LCOR: variants seen among roughly 807,000 people sequenced by gnomAD.
LCOR encodes the protein ligand dependent nuclear receptor corepressor.
LCOR carries 14 observed loss-of-function variants against 64.4 expected under a neutral mutation model. That is an observed-to-expected ratio of 0.22 (90% confidence interval 0.14 to 0.34). The LOEUF (loss-of-function observed/expected upper bound fraction) is 0.34, where lower values mean the gene tolerates loss of function less well. Ranked by LOEUF, LCOR falls within the 10% of genes least tolerant of loss-of-function variation. The pLI is 1.00. For synonymous variants in LCOR, 643 were observed against 642.5 expected (o/e 1.00, Z -0.01); for missense variants, 1,686 against 1,765.3 (o/e 0.96, Z 0.80).
rs114728417 is a variant in LCOR, at chr10:96,973,934, A to T, written c.333-6859A>T. ...CACCTCCATGCCAAATCTCTTCTCC[A>T]CTTGATCTTTAACTCTAAGATAACA... On this transcript the variant is annotated intron_variant, in intron 7 of 7. Coordinates refer to ENST00000421806, the MANE Select transcript of LCOR (RefSeq NM_001346516.2). 2.8e-3 allele frequency among the ~76,000 whole-genome samples: 433 copies of T among 152,298 alleles called. 6 individuals carry two copies. The highest frequency in any genetic ancestry group is 9.4e-3 in the African/African-American group (389 of 41,564).
chr10:96,957,789 T>C, intron 7 of LCOR: 1 of 985,602 alleles, frequency 1.0e-6, no homozygotes, highest in African/African-American at 1.7e-5. Flanking sequence ...CACTGCTCAT[T>C]CTTGACATAG....
chr10:96,973,430 A>G (rs1848014612), intron 7 of LCOR, among the ~76,000 whole-genome samples: 2 of 152,208 alleles, frequency 1.3e-5, no homozygotes, highest in Admixed American at 1.3e-4. Flanking sequence ...GATGTGAAAT[A>G]GCCAAGAGTA....
At chr10:96,896,189 G>C (rs1846533754) in intron 2 of LCOR, among the ~76,000 whole-genome samples, 2 of 152,074 alleles carry the variant, frequency 1.3e-5, no homozygotes, top group South Asian at 4.2e-4. Context: ...GGATGTTACT[G>C]ACATTTCTGG....
chr10:96,837,937 G>A (rs1411789562), intron 2 of LCOR, among the ~76,000 whole-genome samples: 1 of 152,088 alleles, frequency 6.6e-6, no homozygotes, highest in Non-Finnish European at 1.5e-5. Context: ...TTGTGATATT[G>A]GATAGATGCA....
intron 5 of LCOR, among the ~76,000 whole-genome samples, chr10:96,945,924 CTTTT>C (rs34834224): frequency 7.2e-6 from 1 of 138,840 alleles, no homozygotes; most frequent in Admixed American, 7.2e-5. Context: ...TAAAGTTTTT[CTTTT>C]TTTTTTTTTA....
At chr10:96,936,997 A>G (rs1564631222) in intron 4 of LCOR, among the ~76,000 whole-genome samples, 1 of 152,230 alleles carries the variant, frequency 6.6e-6, no homozygotes, top group Non-Finnish European at 1.5e-5. Flanking sequence ...ATTGTACTAT[A>G]CCATGGGTAA....
chr10:96,944,387 A>G (rs1333892219), intron 5 of LCOR, 142 bp downstream of exon 5: 1 of 358,078 alleles, frequency 2.8e-6, no homozygotes, highest in Non-Finnish European at 3.9e-6. Context: ...ACCTTGGGTC[A>G]AGTTCAAATT....
chr10:96,989,695 A>ATATATATATATATATATATATTTTTT lies in LCOR; in HGVS notation c.*4562_*4563insATATATATATATATATATATTTTTTT, dbSNP rs1371771053. On this transcript the variant is annotated 3_prime_UTR_variant, in exon 8 of 8. Coordinates refer to ENST00000421806, the MANE Select transcript of LCOR (RefSeq NM_001346516.2). ...TAAGGATATATATATATATATATAT[A>ATATATATATATATATATATATTTTTT]TTTTTTTTTTTTTTTTTTTTTTTTA... The ATATATATATATATATATATATTTTTT allele has an allele frequency of 3.5e-5, 3 of 86,156 alleles. No homozygotes were observed. The highest frequency in any genetic ancestry group is 1.9e-4 in the African/African-American group (3 of 16,166). 5.3% of individuals were successfully genotyped at this position (86,156 alleles called of 1,614,324 possible).
At chr10:96,851,179 A>G (rs1430161560) in intron 2 of LCOR, among the ~76,000 whole-genome samples, 1 of 152,228 alleles carries the variant, frequency 6.6e-6, no homozygotes, top group Admixed American at 6.5e-5. Flanking sequence ...ACTGCAGGGA[A>G]GCTGGACTGG....
At chr10:96,931,668 C>T (rs971160959) in intron 4 of LCOR, among the ~76,000 whole-genome samples, 5 of 152,154 alleles carry the variant, frequency 3.3e-5, no homozygotes, top group African/African-American at 7.2e-5. Context: ...ACATAACAAC[C>T]TGAAGATAGA....
intron 2 of LCOR, among the ~76,000 whole-genome samples, chr10:96,846,663 T>C (rs1451855801): frequency 6.6e-6 from 1 of 152,264 alleles, no homozygotes; most frequent in African/African-American, 2.4e-5. Context: ...TTTGCGTATA[T>C]ATTTACTGTG....
At chr10:96,957,677 G>A (rs1441772426) in intron 7 of LCOR, 2 of 985,238 alleles carry the variant, frequency 2.0e-6, no homozygotes, top group African/African-American at 3.5e-5. Flanking sequence ...ATAAATTCTT[G>A]CCTGGAAACT....
At position 96,969,782 on chromosome 10, in the gene LCOR, T is replaced by C. The variant is rs563105554; in HGVS notation, c.333-11011T>C. 2.8e-5 allele frequency among the ~76,000 whole-genome samples: 4 copies of C among 143,486 alleles called. No homozygotes were observed. The South Asian group carries it at 7.0e-4, about 25-fold the overall frequency. The allele number at this position is 143,486 out of a possible 152,430, so 94.1% of individuals were successfully genotyped here. A position where few individuals can be genotyped will look rare whatever the true frequency, so the allele number is the denominator to read the frequency against. On this transcript the variant is annotated intron_variant, in intron 7 of 7. Coordinates refer to ENST00000421806, the MANE Select transcript of LCOR (RefSeq NM_001346516.2). Reference sequence around the variant, plus strand: ...TTCTTTCTTTTTTTTTTCTTTTTTTTTTTTTTTCTTTTTTGAGACAAGAGT... The same window carrying C: ...TTCTTTCTTTTTTTTTTCTTTTTTTCTTTTTTTCTTTTTTGAGACAAGAGT...
chr10:96,851,388 C>T (rs1845719417), intron 2 of LCOR, among the ~76,000 whole-genome samples: 1 of 152,090 alleles, frequency 6.6e-6, no homozygotes, highest in South Asian at 2.1e-4. Flanking sequence ...CAGCAGTGAA[C>T]AGAGATGTGG....
intron 2 of LCOR, among the ~76,000 whole-genome samples, chr10:96,842,844 T>G (rs1187876932): frequency 2.6e-5 from 4 of 152,152 alleles, no homozygotes; most frequent in African/African-American, 9.7e-5. Flanking sequence ...TTGGCCAGGC[T>G]GGTCTTGAAC....
chr10:96,956,586 G>A (rs1420038661), intron 7 of LCOR: 1 of 985,570 alleles, frequency 1.0e-6, no homozygotes, highest in East Asian at 1.1e-4. Context: ...AGGGGAAGGT[G>A]GTGGAAAATG....
chr10:96,868,831 T>C (rs1846022351), intron 2 of LCOR, among the ~76,000 whole-genome samples: 1 of 152,224 alleles, frequency 6.6e-6, no homozygotes, highest in Admixed American at 6.5e-5. Context: ...TTTAGCATTG[T>C]ATCCTAGCAA....
intron 2 of LCOR, among the ~76,000 whole-genome samples, chr10:96,874,626 C>G (rs1269299736): frequency 6.6e-6 from 1 of 151,812 alleles, no homozygotes; most frequent in Non-Finnish European, 1.5e-5. Context: ...TGTAGAGTAC[C>G]CTATGACTAG....
intron 2 of LCOR, among the ~76,000 whole-genome samples, chr10:96,892,000 T>C (rs931980116): frequency 6.6e-6 from 1 of 152,168 alleles, no homozygotes; most frequent in African/African-American, 2.4e-5. Context: ...TTACGGCAAG[T>C]TTTTTTGTGG....
Sources: allele counts gnomAD v4.1 joint callset (sites outside exome capture counted in the v4.1 genomes callset), GRCh38; gene constraint gnomAD v4.1.1; transcripts MANE v1.5; gene names NCBI Gene and HGNC (gene_info 2026-07-23, HGNC 2026-07-21).